Variants in WDR26 observed in about 807,000 individuals in gnomAD.
WDR26 encodes the protein WD repeat domain 26.
WDR26 carries 5 observed loss-of-function variants against 84.1 expected under a neutral mutation model. The ratio of observed to expected loss-of-function variants is 0.06; its 90% CI spans 0.03 to 0.13. The LOEUF (loss-of-function observed/expected upper bound fraction) is 0.13. Among genes scored for constraint, WDR26 ranks in the 10% least tolerant of loss-of-function variants. The pLI is 1.00. For missense variants in WDR26, 642 were observed against 974.9 expected (o/e 0.66, Z 4.55); for synonymous variants, 415 against 389.6 (o/e 1.07, Z -0.77).
chr1:224,424,504 C>T lies in WDR26; in HGVS notation c.1064+14G>A, dbSNP rs1199821084. On this transcript the variant is annotated intron_variant, in intron 4 of 13. Transcript: ENST00000414423. ...CCCTCCATTAACCTGAGTTCAAGAA[C>T]TCAGTTTCCTTACCCACTAAGAACA... 6.2e-7 allele frequency: 1 copy of T among 1,613,204 alleles called. No homozygotes were observed. Among genetic ancestry groups the T allele is most frequent in the Non-Finnish European group, 8.5e-7 (1 of 1,179,630 alleles).
At chr1:224,421,474 C>A (rs1322256999) in intron 4 of WDR26, among the ~76,000 whole-genome samples, 2 of 152,240 alleles carry the variant, frequency 1.3e-5, no homozygotes, top group Non-Finnish European at 2.9e-5. Flanking sequence ...CCTGTAATCC[C>A]AGCTACTTGG....
chr1:224,401,131 GAA>G, intron 8 of WDR26, 62 bp from the exon 9 acceptor site: 2 of 1,310,248 alleles, frequency 1.5e-6, no homozygotes, highest in Non-Finnish European at 1.0e-6. Flanking sequence ...AATTATGTGA[GAA>G]AAAAAAAATA....
At chr1:224,395,979 T>C (rs1053556270) in intron 12 of WDR26, among the ~76,000 whole-genome samples, 4 of 152,220 alleles carry the variant, frequency 2.6e-5, no homozygotes, top group Admixed American at 2.0e-4. Context: ...TATTTTATAC[T>C]GGCACTTATA....
In WDR26 at chr1:224,389,400, T is replaced by C. The variant is rs746069089; in HGVS notation, c.*435A>G. 4 of 364,628 alleles carry C rather than the reference T, an allele frequency of 1.1e-5. No homozygotes were observed. Among genetic ancestry groups the C allele is most frequent in the Admixed American group, 4.6e-5 (1 of 21,838 alleles). 22.6% of individuals were successfully genotyped at this position (364,628 alleles called of 1,614,324 possible). On this transcript the variant is annotated 3_prime_UTR_variant, in exon 14 of 14. Coordinates refer to ENST00000414423, the MANE Select transcript of WDR26 (RefSeq NM_001379403.1). ...AAGAAGGAAATTCTTTCCTATCCAATGTATACTCTTCAGACTAATGCACTC... is the reference window on the plus strand; with the variant it reads ...AAGAAGGAAATTCTTTCCTATCCAACGTATACTCTTCAGACTAATGCACTC...
chr1:224,387,847 G>A lies in WDR26; in HGVS notation c.*1988C>T, dbSNP rs2102880941. 1 of 152,672 alleles carries A rather than the reference G, an allele frequency of 6.5e-6. No homozygotes were observed. The highest frequency in any genetic ancestry group is 6.5e-5 in the Admixed American group (1 of 15,294). The allele number at this position is 152,672 out of a possible 1,614,324, so 9.5% of individuals were successfully genotyped here. A position where few individuals can be genotyped will look rare whatever the true frequency, so the allele number is the denominator to read the frequency against. Reference sequence around the variant, plus strand: ...AGAAGTTGCCACTTAATTACATACAGTTACCAATGAAGATTTTTATTCAAG... The same window carrying A: ...AGAAGTTGCCACTTAATTACATACAATTACCAATGAAGATTTTTATTCAAG... On this transcript the variant is annotated 3_prime_UTR_variant, in exon 14 of 14. Transcript: ENST00000414423.
intron 4 of WDR26, among the ~76,000 whole-genome samples, chr1:224,420,939 T>G (rs184414798): frequency 3.9e-5 from 6 of 152,346 alleles, no homozygotes; most frequent in African/African-American, 1.4e-4. Flanking sequence ...AAAACAACTT[T>G]TTTTGGGCAA....
At chr1:224,423,744 A>C (rs964629391) in intron 4 of WDR26, among the ~76,000 whole-genome samples, 1 of 152,230 alleles carries the variant, frequency 6.6e-6, no homozygotes, top group African/African-American at 2.4e-5. Flanking sequence ...GACATCTATT[A>C]AACATCCAAG....
intron 8 of WDR26, 102 bp downstream of exon 8, chr1:224,404,328 A>G: frequency 7.3e-7 from 1 of 1,364,620 alleles, no homozygotes; most frequent in East Asian, 2.6e-5. Context: ...ATAGTAATTT[A>G]GGTTGAATGG....
At position 224,431,658 on chromosome 1, in the gene WDR26, A is replaced by T. The variant is rs765355514; in HGVS notation, c.822+24T>A. On this transcript the variant is annotated intron_variant, in intron 2 of 13. Transcript: ENST00000414423. ...AATCTGTAATTTTAGCAGCAGTCACACAGCTCTATATGCCCTACTTTACCT... is the reference window on the plus strand; with the variant it reads ...AATCTGTAATTTTAGCAGCAGTCACTCAGCTCTATATGCCCTACTTTACCT... The T allele has an allele frequency of 4.3e-6, 7 of 1,611,030 alleles. No homozygotes were observed. The Admixed American group carries it at 1.2e-4, about 27-fold the overall frequency.
intron 3 of WDR26, 181 bp from the exon 4 acceptor site, chr1:224,424,835 T>A (rs1346400063): frequency 1.5e-6 from 1 of 687,300 alleles, no homozygotes; most frequent in Non-Finnish European, 2.4e-6. Flanking sequence ...AAATGTGACT[T>A]TGCTCAATTC....
In WDR26 at chr1:224,398,915, G is replaced by A. The variant is rs756427521; in HGVS notation, c.1839C>T (p.Asn613=). 2.5e-6 allele frequency: 4 copies of A among 1,613,826 alleles called. No homozygotes were observed. The highest frequency in any genetic ancestry group is 1.7e-5 in the Admixed American group (1 of 59,946). ...TGTTCCTATCTGTAAGGTCCTCGAA[G>A]TTATAGCCCCGAATTCGCTGGTGTG... The change falls in exon 10 of 14, where the codon AAC becomes AAT. Residue 613 remains asparagine (N), a synonymous_variant. Coordinates refer to ENST00000414423, the MANE Select transcript of WDR26 (RefSeq NM_001379403.1).
rs1674497586 is a variant in WDR26 at position 224,433,858 on chromosome 1, C to T, written c.548G>A (p.Gly183Glu). 6.5e-7 allele frequency: 1 copy of T among 1,536,784 alleles called. No individual in the cohort carries two copies. Residue 183 changes from glycine to glutamate, a missense_variant, in exon 1 of 14, where the codon GGG (glycine) becomes GAG (glutamate). Physicochemically the swap from Gly to Glu is moderately conservative, Grantham distance 98. Coordinates refer to ENST00000414423, the MANE Select transcript of WDR26 (RefSeq NM_001379403.1). Reference sequence around the variant, plus strand: ...GGTGGCTGAGGATGCGGCGGCCGCCCCGCCGGGAACCCCGTTATTGACATT... The same window carrying T: ...GGTGGCTGAGGATGCGGCGGCCGCCTCGCCGGGAACCCCGTTATTGACATT...
At position 224,402,969 on chromosome 1, in the gene WDR26, A is replaced by G. The variant is rs77139406; in HGVS notation, c.1599+1461T>C. 1.3e-3 allele frequency among the ~76,000 whole-genome samples: 197 copies of G among 152,344 alleles called. 2 individuals carry two copies. The East Asian group carries it at 0.023, about 18-fold the overall frequency. Reference sequence around the variant, plus strand: ...AATAGGTAGAACGTTATTTTTTAAAAGATACATGCTTAAGTATTTAGGGTA... The same window carrying G: ...AATAGGTAGAACGTTATTTTTTAAAGGATACATGCTTAAGTATTTAGGGTA... On this transcript the variant is annotated intron_variant, in intron 8 of 13. Coordinates refer to ENST00000414423, the MANE Select transcript of WDR26 (RefSeq NM_001379403.1).
Position 224,398,503 on chromosome 1 carries a change from T to C in WDR26, c.1944+12A>G, listed in dbSNP as rs761829599. The stretch of plus-strand genomic sequence containing the variant: ...AGCCAAATTTTTCAGAAAATTATAC[T>C]AATAAACATACCTGAGTTGCTACAT... On this transcript the variant is annotated intron_variant, in intron 11 of 13. Transcript: ENST00000414423. The C allele has an allele frequency of 1.9e-6, 3 of 1,595,138 alleles. No homozygotes were observed. Among genetic ancestry groups the C allele is most frequent in the Middle Eastern group, 3.4e-4 (2 of 5,908 alleles).
chr1:224,412,286 G>A (rs1673760827), intron 6 of WDR26, among the ~76,000 whole-genome samples: 1 of 152,218 alleles, frequency 6.6e-6, no homozygotes, highest in Non-Finnish European at 1.5e-5. Flanking sequence ...GAGTGCAGTA[G>A]TTAAGAGCAA....
chr1:224,409,178 C>A (rs1673664057), intron 7 of WDR26, among the ~76,000 whole-genome samples: 1 of 152,106 alleles, frequency 6.6e-6, no homozygotes, highest in Admixed American at 6.5e-5. Context: ...GTTGCAGATA[C>A]TTTGAAATAT....
chr1:224,422,224 T>G (rs1674084187), intron 4 of WDR26, among the ~76,000 whole-genome samples: 1 of 152,018 alleles, frequency 6.6e-6, no homozygotes. Flanking sequence ...GGTGGCAAGT[T>G]AAGGAACAGA....
At chr1:224,418,131 C>A in intron 6 of WDR26, 129 bp downstream of exon 6, 1 of 701,006 alleles carries the variant, frequency 1.4e-6, no homozygotes, top group Non-Finnish European at 2.1e-6. Flanking sequence ...ATAGTTCCAG[C>A]TTTACTCGTG....
In WDR26 at chr1:224,398,936, G is replaced by A; in HGVS notation, c.1818C>T (p.His606=). The A allele has an allele frequency of 6.2e-7, 1 of 1,613,860 alleles. No homozygotes were observed. Among genetic ancestry groups the A allele is most frequent in the Non-Finnish European group, 8.5e-7 (1 of 1,179,926 alleles). ...CGAAGTTATAGCCCCGAATTCGCTG[G>A]TGTGTATCTGATGCCAGAACAGTCT... is the stretch of plus-strand genomic sequence containing the variant. Residue 606 remains histidine (H), a synonymous_variant, in exon 10 of 14, where the codon CAC becomes CAT. Coordinates refer to ENST00000414423, the MANE Select transcript of WDR26 (RefSeq NM_001379403.1).
Sources: allele counts gnomAD v4.1 joint callset (sites outside exome capture counted in the v4.1 genomes callset), GRCh38; gene constraint gnomAD v4.1.1; transcripts MANE v1.5; gene names NCBI Gene and HGNC (gene_info 2026-07-23, HGNC 2026-07-21).